MROH7: variants seen among roughly 807,000 people sequenced by gnomAD.
The protein encoded by MROH7 is maestro heat-like repeat-containing protein family member 7.
MROH7 carries 113 observed loss-of-function variants against 129.2 expected under a neutral mutation model. The observed-to-expected ratio is 0.87, with a 90% CI of 0.75 to 1.02. MROH7 has a LOEUF of 1.02. Ranked by LOEUF, MROH7 falls within the 50% of genes least tolerant of loss-of-function variation. The pLI is 0.00. For synonymous variants in MROH7, 655 were observed against 667.9 expected (o/e 0.98, Z 0.30); for missense variants, 1,601 against 1,671.3 (o/e 0.96, Z 0.73).
intron 10 of MROH7, 86 bp from the exon 11 acceptor site, chr1:54,678,655 AG>A (rs919114408): frequency 3.4e-6 from 3 of 878,632 alleles, no homozygotes; most frequent in Non-Finnish European, 5.7e-6. Flanking sequence ...GTATCAAGTT[AG>A]TTCCTTATGA....
At chr1:54,663,860 A>G in intron 3 of MROH7, 1 of 436,180 alleles carries the variant, frequency 2.3e-6, no homozygotes, top group African/African-American at 2.1e-5. Flanking sequence ...TTTAGAAGCT[A>G]AGATCTTGGT....
intron 1 of MROH7, among the ~76,000 whole-genome samples, chr1:54,646,015 GCCCGGTCT>G (rs1437172730): frequency 6.6e-6 from 1 of 152,198 alleles, no homozygotes; most frequent in African/African-American, 2.4e-5. Flanking sequence ...CCTGGCACAG[GCCCGGTCT>G]CCAGTGATAT....
rs747075101 is a variant in MROH7, at chr1:54,686,264, A to G, written c.2527A>G (p.Ser843Gly). The change falls in exon 15 of 24, where the codon AGC becomes GGC. Residue 843 changes from serine (S) to glycine (G), a missense_variant. By Grantham distance (56) the Ser-to-Gly change is moderately conservative (BLOSUM62 0). Transcript: ENST00000421030. ...RASIVPLAAASGLCELLSVNS... is the reference protein window; with the variant it reads ...RASIVPLAAAGGLCELLSVNS... ...CCTCCCCTCTGCCCCATAGGCAGCC[A>G]GCGGCCTGTGCGAGCTCCTGTCCGT... is the stretch of plus-strand genomic sequence containing the variant. 1.5e-5 allele frequency: 24 copies of G among 1,612,678 alleles called. No individual in the cohort carries two copies. The highest frequency in any genetic ancestry group is 2.0e-5 in the Non-Finnish European group (24 of 1,179,382).
intron 1 of MROH7, chr1:54,651,259 C>G (rs1457429121): frequency 1.3e-5 from 2 of 152,280 alleles, no homozygotes. Flanking sequence ...GAGAACAAGG[C>G]AGATGCAGTT....
At chr1:54,675,952 A>AAAAG (rs748308765) in intron 10 of MROH7, among the ~76,000 whole-genome samples, 6 of 152,000 alleles carry the variant, frequency 3.9e-5, no homozygotes, top group Non-Finnish European at 5.9e-5. Context: ...GCTCATTTAA[A>AAAAG]AAAGAAAGAA....
At chr1:54,673,854 C>A in intron 9 of MROH7, 49 bp downstream of exon 9, 1 of 1,555,842 alleles carries the variant, frequency 6.4e-7, no homozygotes, top group South Asian at 1.1e-5. Context: ...AATCTTCCCA[C>A]TTCTGAAGGA....
At chr1:54,643,939 G>A (rs1644424498) in intron 1 of MROH7, among the ~76,000 whole-genome samples, 1 of 152,076 alleles carries the variant, frequency 6.6e-6, no homozygotes, top group African/African-American at 2.4e-5. Context: ...ATTCAAATTG[G>A]TGTTCCCCTA....
chr1:54,672,352 C>T (rs1322098261), intron 7 of MROH7, among the ~76,000 whole-genome samples: 1 of 151,950 alleles, frequency 6.6e-6, no homozygotes, highest in Non-Finnish European at 1.5e-5. Context: ...TAGACAATAA[C>T]AACCTAGGAG....
Position 54,700,452 on chromosome 1 carries a change from G to A in MROH7, c.3096G>A (p.Arg1032=). 3.8e-6 allele frequency: 6 copies of A among 1,593,042 alleles called. No individual in the cohort carries two copies. Among genetic ancestry groups the A allele is most frequent in the Non-Finnish European group, 5.1e-6 (6 of 1,168,264 alleles). Reference sequence around the variant, plus strand: ...GAGGCCTGGTCATCCTGGCCCGCAGGTCTGAGAAGGTGAGTGGGAGGCAGA... The same window carrying A: ...GAGGCCTGGTCATCCTGGCCCGCAGATCTGAGAAGGTGAGTGGGAGGCAGA... ...SIRGLVILAR[R]SEKTAKVKAL... The change falls in exon 18 of 24, where the codon AGG becomes AGA. Residue 1032 remains arginine, a synonymous_variant. Coordinates refer to ENST00000421030, the MANE Select transcript of MROH7 (RefSeq NM_001039464.4).
rs748966156 is a variant in MROH7, at chr1:54,674,138, G to A, written c.1923G>A (p.Leu641=). The A allele has an allele frequency of 3.7e-6, 6 of 1,613,174 alleles. No individual in the cohort carries two copies. In the East Asian group the frequency reaches 1.3e-4, roughly 36 times the overall value. Residue 641 remains leucine, a synonymous_variant, in exon 10 of 24, where the codon CTG becomes CTA. Transcript: ENST00000421030. ...LDGIIILYTI[L]ELQKRARDKE... The stretch of plus-strand genomic sequence containing the variant: ...GCATCATCATCCTCTACACTATTCT[G>A]GAGCTCCAAAAACGTAAGCCCTATC...
At chr1:54,685,150 G>T (rs1252838024) in intron 14 of MROH7, among the ~76,000 whole-genome samples, 1 of 152,050 alleles carries the variant, frequency 6.6e-6, no homozygotes, top group Non-Finnish European at 1.5e-5. Context: ...CCGAGCAGCT[G>T]GGACTACAGG....
chr1:54,684,222 T>G (rs945696137), intron 14 of MROH7, among the ~76,000 whole-genome samples: 1 of 152,224 alleles, frequency 6.6e-6, no homozygotes, highest in Admixed American at 6.5e-5. Context: ...GAGAGGGTAG[T>G]ATTATCCCAT....
chr1:54,702,001 C>G (rs1645443939), intron 19 of MROH7, 89 bp from the exon 20 acceptor site: 1 of 1,207,222 alleles, frequency 8.3e-7, no homozygotes, highest in African/African-American at 1.6e-5. Flanking sequence ...CAGACCTAGG[C>G]TTGAGTGAGA....
At chr1:54,700,186 A>T (rs1387316108) in intron 17 of MROH7, 135 bp from the exon 18 acceptor site, 1 of 1,106,056 alleles carries the variant, frequency 9.0e-7, no homozygotes. Context: ...ACTTCCAGCA[A>T]TCTGTTGGTT....
At chr1:54,675,886 T>C (rs1644972687) in intron 10 of MROH7, among the ~76,000 whole-genome samples, 1 of 152,026 alleles carries the variant, frequency 6.6e-6, no homozygotes, top group Non-Finnish European at 1.5e-5. Context: ...TCCGCTCGCC[T>C]TGACCTCCCA....
intron 13 of MROH7, among the ~76,000 whole-genome samples, chr1:54,680,853 C>G (rs1177262780): frequency 6.6e-6 from 1 of 152,218 alleles, no homozygotes. Context: ...TCATAGGAAC[C>G]AAGAAGATCA....
At chr1:54,651,053 C>A (rs1317392616) in intron 1 of MROH7, among the ~76,000 whole-genome samples, 1 of 152,160 alleles carries the variant, frequency 6.6e-6, no homozygotes, top group Non-Finnish European at 1.5e-5. Context: ...ATTTTCTTTT[C>A]TCTTCCCCAG....
chr1:54,686,046 G>A lies in MROH7; in HGVS notation c.2521-212G>A, dbSNP rs560676503. 1.1e-4 allele frequency among the ~76,000 whole-genome samples: 16 copies of A among 152,264 alleles called. 1 individual carries two copies. Among genetic ancestry groups the A allele is most frequent in the Admixed American group, 4.6e-4 (7 of 15,312 alleles). ...CATCAAAGCCCTGGACCAAAACTAA[G>A]GGGTGGATTGTTGTCCTTGCTCTGG... On this transcript the variant is annotated intron_variant, in intron 14 of 23. Transcript: ENST00000421030.
intron 5 of MROH7, among the ~76,000 whole-genome samples, chr1:54,669,669 A>G (rs1395845772): frequency 1.3e-5 from 2 of 152,180 alleles, no homozygotes; most frequent in African/African-American, 4.8e-5. Context: ...GACCACAGGT[A>G]TGTGCCACCA....
Sources: allele counts gnomAD v4.1 joint callset (sites outside exome capture counted in the v4.1 genomes callset), GRCh38; gene constraint gnomAD v4.1.1; transcripts MANE v1.5; gene names NCBI Gene and HGNC (gene_info 2026-07-23, HGNC 2026-07-21).